Variants in MYO9B observed in about 807,000 individuals in gnomAD.
The protein encoded by MYO9B is myosin IXB.
Under a neutral mutation model 229.5 loss-of-function variants are expected in MYO9B, and 71 were observed. That is an observed-to-expected ratio of 0.31 (90% CI 0.26 to 0.38). The LOEUF is 0.38. MYO9B is among the 10% of genes least tolerant of loss of function. The pLI is 1.00. For synonymous variants in MYO9B, 1,185 were observed against 1,235.8 expected, an observed-to-expected ratio of 0.96 and a Z score of 0.86; for missense variants, 2,255 against 2,920.5, an observed-to-expected ratio of 0.77 and a Z score of 5.25.
chr19:17,119,837 A>C (rs2057944564), intron 2 of MYO9B, among the ~76,000 whole-genome samples: 1 of 151,780 alleles, frequency 6.6e-6, no homozygotes, highest in Non-Finnish European at 1.5e-5. Context: ...TTTAGTAGAG[A>C]TGGGGTTTCA....
intron 2 of MYO9B, among the ~76,000 whole-genome samples, chr19:17,110,722 T>C (rs2057839661): frequency 2.6e-5 from 4 of 152,064 alleles, no homozygotes; most frequent in Admixed American, 2.6e-4. Context: ...CGGCCCACAG[T>C]GGGACACGGT....
At chr19:17,209,736 G>GA in intron 36 of MYO9B, 27 bp downstream of exon 36, 1 of 1,610,144 alleles carries the variant, frequency 6.2e-7, no homozygotes, top group Non-Finnish European at 8.5e-7. Flanking sequence ...GTGGGGGCGG[G>GA]ACCTCTTTGG....
intron 11 of MYO9B, among the ~76,000 whole-genome samples, chr19:17,168,358 G>T (rs2072683820): frequency 6.6e-6 from 1 of 152,024 alleles, no homozygotes; most frequent in African/African-American, 2.4e-5. Flanking sequence ...TAGCAACAGG[G>T]TTTCGTCATG....
intron 10 of MYO9B, among the ~76,000 whole-genome samples, chr19:17,165,524 A>G (rs1032137084): frequency 1.3e-5 from 2 of 151,998 alleles, no homozygotes; most frequent in African/African-American, 4.8e-5. Context: ...GCAGTGACCT[A>G]TGATCACAAC....
At chr19:17,163,226 A>G in intron 10 of MYO9B, 104 bp downstream of exon 10, 2 of 1,276,482 alleles carry the variant, frequency 1.6e-6, no homozygotes, top group Non-Finnish European at 1.1e-6. Flanking sequence ...AGCGGCGGTA[A>G]GTACATTCAC....
rs771380599 is a variant in MYO9B, at chr19:17,102,063, G to A, written c.346G>A (p.Gly116Arg). 7.4e-6 allele frequency: 12 copies of A among 1,612,598 alleles called. No homozygotes were observed. Among genetic ancestry groups the A allele is most frequent in the Non-Finnish European group, 1.0e-5 (12 of 1,179,872 alleles). The change falls in exon 2 of 40, where the codon GGA becomes AGA. Residue 116 changes from glycine to arginine, a missense_variant. Coordinates refer to ENST00000682292, the MANE Select transcript of MYO9B (RefSeq NM_004145.4). ...CCTGCTGCAGGAGCGCAACGCAGAT[G>A]GAACCATCAAGTACGTGCATATGCA... ...YFLLQERNAD[G>R]TIKYVHMQLV...
At chr19:17,114,519 G>T (rs1255367677) in intron 2 of MYO9B, among the ~76,000 whole-genome samples, 1 of 152,160 alleles carries the variant, frequency 6.6e-6, no homozygotes, top group South Asian at 2.1e-4. Flanking sequence ...TCTTCCAGGT[G>T]CACTGAGTGA....
intron 11 of MYO9B, among the ~76,000 whole-genome samples, chr19:17,169,811 T>TCC (rs1213113581): frequency 4.5e-4 from 63 of 138,826 alleles, no homozygotes; most frequent in African/African-American, 1.5e-3. Context: ...CCTTTTTTTT[T>TCC]TTTTTTTTTT....
At chr19:17,089,585 G>A (rs1208173821) in intron 1 of MYO9B, among the ~76,000 whole-genome samples, 65 of 152,056 alleles carry the variant, frequency 4.3e-4, no homozygotes, top group Admixed American at 4.3e-3. Flanking sequence ...TTCACATCCG[G>A]CCACTGACCC....
rs201097688 is a variant in MYO9B, at chr19:17,102,004, A to G, written c.287A>G (p.Gln96Arg). 2.3e-3 allele frequency: 3,632 copies of G among 1,612,838 alleles called. 11 individuals carry two copies. Among genetic ancestry groups the G allele is most frequent in the Non-Finnish European group, 2.7e-3 (3,132 of 1,179,878 alleles). Reference protein sequence around the residue: ...HRVLLWPRRAQDEHPQEDGYY... With the variant: ...HRVLLWPRRARDEHPQEDGYY... ...GTGCTGCTATGGCCCCGGCGGGCAC[A>G]GGACGAGCACCCTCAGGAGGATGGC... Residue 96 changes from glutamine (Q) to arginine (R), a missense_variant, in exon 2 of 40, where the codon CAG becomes CGG. By Grantham distance (43) the Gln-to-Arg change is conservative. Coordinates refer to ENST00000682292, the MANE Select transcript of MYO9B (RefSeq NM_004145.4).
In MYO9B at chr19:17,104,291, A is replaced by G. The variant is rs570066417; in HGVS notation, c.840+1734A>G. On this transcript the variant is annotated intron_variant, in intron 2 of 39. Coordinates refer to ENST00000682292, the MANE Select transcript of MYO9B (RefSeq NM_004145.4). ...GTCGGGGAGGGGGCTGCCTAGTTTC[A>G]CTGTAGAGGCAGCAGAGAAGGGACC... Among the ~76,000 whole-genome samples, 7 of 152,198 alleles carry G rather than the reference A, an allele frequency of 4.6e-5. No individual in the cohort carries two copies. The South Asian group carries it at 1.2e-3, about 27-fold the overall frequency.
chr19:17,171,423 G>A (rs1464362219), intron 11 of MYO9B, among the ~76,000 whole-genome samples: 3 of 152,090 alleles, frequency 2.0e-5, no homozygotes, highest in Admixed American at 6.6e-5. Context: ...AGGACCCCCT[G>A]TCCAAGGTAT....
intron 2 of MYO9B, among the ~76,000 whole-genome samples, chr19:17,126,174 C>T (rs529038746): frequency 2.0e-5 from 3 of 152,204 alleles, no homozygotes; most frequent in Non-Finnish European, 2.9e-5. Context: ...CTCATTTCCT[C>T]GCCTCCAGCC....
chr19:17,077,743 ACT>A (rs1178570570), intron 1 of MYO9B, among the ~76,000 whole-genome samples: 1 of 150,396 alleles, frequency 6.6e-6, no homozygotes, highest in Non-Finnish European at 1.5e-5. Flanking sequence ...CCGGCCTTGA[ACT>A]CCTCACAGCA....
chr19:17,108,786 G>A (rs2057818060), intron 2 of MYO9B, among the ~76,000 whole-genome samples: 1 of 151,822 alleles, frequency 6.6e-6, no homozygotes, highest in Non-Finnish European at 1.5e-5. Context: ...GCACGATCTC[G>A]GCTCACTGGA....
chr19:17,171,105 T>A (rs746614418), intron 11 of MYO9B, among the ~76,000 whole-genome samples: 2 of 152,204 alleles, frequency 1.3e-5, no homozygotes, highest in Non-Finnish European at 2.9e-5. Flanking sequence ...TTACACTCCA[T>A]ACCCTCTTTA....
intron 1 of MYO9B, among the ~76,000 whole-genome samples, chr19:17,094,784 A>G (rs1475782227): frequency 6.6e-6 from 1 of 151,998 alleles, no homozygotes; most frequent in African/African-American, 2.4e-5. Context: ...TCTACTAAAA[A>G]TACAAAAATT....
intron 24 of MYO9B, among the ~76,000 whole-genome samples, chr19:17,199,612 C>T (rs1031844131): frequency 6.6e-6 from 1 of 151,848 alleles, no homozygotes; most frequent in Non-Finnish European, 1.5e-5. Flanking sequence ...CTCTCAGGCT[C>T]AAGCGATTCT....
At chr19:17,100,856 A>ACC (rs2145023831) in intron 1 of MYO9B, among the ~76,000 whole-genome samples, 1 of 151,658 alleles carries the variant, frequency 6.6e-6, no homozygotes, top group South Asian at 2.1e-4. Flanking sequence ...GGTTTCAAGG[A>ACC]CCCTGGAGTT....
Sources: allele counts gnomAD v4.1 joint callset (sites outside exome capture counted in the v4.1 genomes callset), GRCh38; gene constraint gnomAD v4.1.1; transcripts MANE v1.5; gene names NCBI Gene and HGNC (gene_info 2026-07-23, HGNC 2026-07-21).